Variants in SNTG1 observed in about 807,000 individuals in gnomAD.
The protein encoded by SNTG1 is gamma-1-syntrophin.
SNTG1 carries 39 observed loss-of-function variants against 74.7 expected under a neutral mutation model. The ratio of observed to expected loss-of-function variants is 0.52; its 90% confidence interval spans 0.40 to 0.68. SNTG1 has a LOEUF of 0.68. Ranked by LOEUF, SNTG1 falls within the 30% of genes least tolerant of loss-of-function variation. SNTG1 has a pLI of 0.00. For synonymous variants in SNTG1, 254 were observed against 217.1 expected (o/e 1.17, Z -1.49); for missense variants, 685 against 609.5 (o/e 1.12, Z -1.30).
rs17700853 is a variant in SNTG1, at chr8:50,412,192, C to G, written c.162+9848C>G. On this transcript the variant is annotated intron_variant, in intron 4 of 18. Transcript: ENST00000642720. ...GTTAAACCTAGCATTGTTAAATCCA[C>G]TTGTTATTGTGCATCTTGTTTTATT... 2.5e-3 allele frequency among the ~76,000 whole-genome samples: 377 copies of G among 152,182 alleles called. 4 individuals are homozygous for G. Among genetic ancestry groups the G allele is most frequent in the Non-Finnish European group, 4.1e-3 (281 of 67,998 alleles).
intron 2 of SNTG1, among the ~76,000 whole-genome samples, chr8:50,358,368 G>T (rs536887940): frequency 6.6e-6 from 1 of 152,242 alleles, no homozygotes; most frequent in South Asian, 2.1e-4. Context: ...TACAAGCAAA[G>T]GTCAGGACCA....
chr8:50,425,257 G>GA (rs1320491322), intron 4 of SNTG1, among the ~76,000 whole-genome samples: 4 of 3,778 alleles, frequency 1.1e-3, no homozygotes, highest in African/African-American at 2.5e-3. Flanking sequence ...AGCAGGAGGT[G>GA]ACTGCTGCTG....
At chr8:50,722,864 A>C (rs1483312511) in intron 17 of SNTG1, among the ~76,000 whole-genome samples, 3 of 152,194 alleles carry the variant, frequency 2.0e-5, no homozygotes, top group Non-Finnish European at 4.4e-5. Flanking sequence ...ATGTCCAAGG[A>C]ATATTTTTAA....
At chr8:50,646,244 T>G (rs538118036) in intron 13 of SNTG1, among the ~76,000 whole-genome samples, 1 of 152,296 alleles carries the variant, frequency 6.6e-6, no homozygotes, top group South Asian at 2.1e-4. Flanking sequence ...TATAACATAA[T>G]TAGATGGCCT....
intron 1 of SNTG1, among the ~76,000 whole-genome samples, chr8:50,116,113 C>A (rs1393397951): frequency 6.6e-6 from 1 of 152,048 alleles, no homozygotes; most frequent in African/African-American, 2.4e-5. Flanking sequence ...AAATGTGCAC[C>A]ATTTTTATTT....
chr8:50,216,617 A>G lies in SNTG1; in HGVS notation c.-28+43982A>G, dbSNP rs552405320. Among the ~76,000 whole-genome samples, 100 of 152,310 alleles carry G rather than the reference A, an allele frequency of 6.6e-4. 2 individuals are homozygous for G. Among genetic ancestry groups the G allele is most frequent in the Middle Eastern group, 6.8e-3 (2 of 292 alleles). On this transcript the variant is annotated intron_variant, in intron 2 of 18. Coordinates refer to ENST00000642720, the MANE Select transcript of SNTG1 (RefSeq NM_018967.5). ...TGAAGGGGTGTATACTAGACAGTATAATTAAAGGAACATTTTTTCTGGGTC... is the reference window on the plus strand; with the variant it reads ...TGAAGGGGTGTATACTAGACAGTATGATTAAAGGAACATTTTTTCTGGGTC...
Position 50,212,141 on chromosome 8 carries a change from G to A in SNTG1, c.-28+39506G>A, listed in dbSNP as rs182463218. Among the ~76,000 whole-genome samples, 45 of 151,632 alleles carry A rather than the reference G, an allele frequency of 3.0e-4. No homozygotes were observed. In the East Asian group the frequency reaches 3.7e-3, roughly 12 times the overall value. On this transcript the variant is annotated intron_variant, in intron 2 of 18. Coordinates refer to ENST00000642720, the MANE Select transcript of SNTG1 (RefSeq NM_018967.5). ...TTTTTCTCTCATTTTCTTCATCAGC[G>A]GACTTAATACAAACTCAGCAATTTC...
At chr8:50,104,087 G>T (rs1293035612) in intron 1 of SNTG1, among the ~76,000 whole-genome samples, 1 of 152,160 alleles carries the variant, frequency 6.6e-6, no homozygotes, top group African/African-American at 2.4e-5. Flanking sequence ...AAATGAGTTA[G>T]GGAGGAGTCC....
At chr8:50,417,111 A>C (rs1304083444) in intron 4 of SNTG1, among the ~76,000 whole-genome samples, 2 of 152,168 alleles carry the variant, frequency 1.3e-5, no homozygotes, top group African/African-American at 4.8e-5. Context: ...CTTATAAAAA[A>C]TTTATCTTCA....
chr8:50,308,097 C>A (rs778509819), intron 2 of SNTG1, among the ~76,000 whole-genome samples: 3 of 151,568 alleles, frequency 2.0e-5, no homozygotes, highest in Non-Finnish European at 2.9e-5. Context: ...GCAATTGCTT[C>A]CATTGTCTGT....
intron 2 of SNTG1, chr8:50,382,308 A>G (rs1384009731): frequency 1.3e-5 from 2 of 152,182 alleles, no homozygotes; most frequent in African/African-American, 4.8e-5. Flanking sequence ...AGTATAACAT[A>G]GAAATATCTA....
At chr8:49,984,956 T>A (rs1418658739) in intron 1 of SNTG1, among the ~76,000 whole-genome samples, 3 of 152,182 alleles carry the variant, frequency 2.0e-5, no homozygotes, top group Non-Finnish European at 4.4e-5. Context: ...TACCTCTGCC[T>A]TACCAATTTC....
intron 1 of SNTG1, among the ~76,000 whole-genome samples, chr8:49,941,811 C>G (rs995147969): frequency 6.6e-6 from 1 of 152,128 alleles, no homozygotes; most frequent in African/African-American, 2.4e-5. Context: ...GTTAATCTGT[C>G]TAGAAGGATA....
intron 1 of SNTG1, among the ~76,000 whole-genome samples, chr8:50,138,087 G>T (rs909110259): frequency 2.0e-5 from 3 of 151,922 alleles, no homozygotes; most frequent in African/African-American, 7.2e-5. Context: ...GGAGGAATAA[G>T]TTTTTTTTAC....
intron 8 of SNTG1, among the ~76,000 whole-genome samples, chr8:50,488,934 C>T (rs1457672900): frequency 6.6e-6 from 1 of 152,198 alleles, no homozygotes; most frequent in South Asian, 2.1e-4. Flanking sequence ...CATAGCCCCC[C>T]ACCCCACAAC....
chr8:50,331,296 G>A (rs1587167387), intron 2 of SNTG1, among the ~76,000 whole-genome samples: 1 of 152,142 alleles, frequency 6.6e-6, no homozygotes, highest in South Asian at 2.1e-4. Flanking sequence ...CTAAAGTAAA[G>A]TGAAGTGTGT....
intron 2 of SNTG1, among the ~76,000 whole-genome samples, chr8:50,311,655 C>G (rs940911479): frequency 6.6e-6 from 1 of 152,120 alleles, no homozygotes; most frequent in African/African-American, 2.4e-5. Context: ...AAATTGTTAT[C>G]CACTACAACT....
chr8:50,390,900 T>C (rs989343589), intron 2 of SNTG1, among the ~76,000 whole-genome samples: 3 of 152,168 alleles, frequency 2.0e-5, no homozygotes, highest in African/African-American at 4.8e-5. Flanking sequence ...AGAATGCTTG[T>C]GATTTTTGCA....
chr8:50,215,182 T>A (rs574453415), intron 2 of SNTG1, among the ~76,000 whole-genome samples: 1 of 152,114 alleles, frequency 6.6e-6, no homozygotes, highest in Admixed American at 6.6e-5. Context: ...CGAGTGGAAG[T>A]CACAAGACAA....
Sources: gnomAD v4.1 joint callset for allele counts (sites outside exome capture counted in the v4.1 genomes callset) on GRCh38, gnomAD v4.1.1 for gene constraint, MANE v1.5 for transcripts, NCBI Gene and HGNC (gene_info 2026-07-23, HGNC 2026-07-21) for gene names.